CRYBG1: variants seen among roughly 807,000 people sequenced by gnomAD.
The protein encoded by CRYBG1 is beta/gamma crystallin domain-containing protein 1.
CRYBG1 carries 139 observed loss-of-function variants against 189.2 expected under a neutral mutation model. That is an observed-to-expected ratio of 0.73 (90% confidence interval 0.64 to 0.85). The LOEUF (loss-of-function observed/expected upper bound fraction) is 0.85, where lower values mean the gene tolerates loss of function less well. Ranked by LOEUF, CRYBG1 falls within the 40% of genes least tolerant of loss-of-function variation. The pLI is 0.00. For missense variants in CRYBG1, 2,611 were observed against 2,675.8 expected, an observed-to-expected ratio of 0.98 and a Z score of 0.53; for synonymous variants, 1,023 against 1,017.1, an observed-to-expected ratio of 1.01 and a Z score of -0.11.
chr6:106,379,343 T>G (rs970204328), intron 1 of CRYBG1, among the ~76,000 whole-genome samples: 5 of 151,400 alleles, frequency 3.3e-5, no homozygotes, highest in Non-Finnish European at 7.4e-5. Context: ...CTCACAGCAA[T>G]CTCTGCCTCC....
chr6:106,444,170 T>G (rs1319337858), intron 1 of CRYBG1, among the ~76,000 whole-genome samples: 1 of 152,024 alleles, frequency 6.6e-6, no homozygotes, highest in African/African-American at 2.4e-5. Flanking sequence ...ATTGACACTG[T>G]CAAAATAAAA....
At position 106,568,483 on chromosome 6, in the gene CRYBG1, T is replaced by G. The variant is rs1356896007; in HGVS notation, c.6313T>G (p.Tyr2105Asp). Residue 2105 changes from tyrosine to aspartate, a missense_variant, in exon 22 of 22, where the codon TAT (tyrosine) becomes GAT (aspartate). Coordinates refer to ENST00000633556, the MANE Select transcript of CRYBG1 (RefSeq NM_001371242.2). Reference protein sequence around the residue: ...LVLDIKGGTQYDQNHIILNTV... With the variant: ...LVLDIKGGTQDDQNHIILNTV... ...TTCCTTTCTTTTAGGGGGCACACAG[T>G]ATGATCAAAATCACATTATCCTCAA... is the stretch of plus-strand genomic sequence containing the variant. The G allele has an allele frequency of 6.2e-7, 1 of 1,613,364 alleles. No homozygotes were observed. Among genetic ancestry groups the G allele is most frequent in the Non-Finnish European group, 8.5e-7 (1 of 1,179,362 alleles).
chr6:106,360,830 C>T lies in CRYBG1; in HGVS notation c.-79C>T. The stretch of plus-strand genomic sequence containing the variant: ...GCTGAGAAAGGCGGGCGAGCTGGCG[C>T]TCAGGTGTGTTCTTCCATAGGGCCC... On this transcript the variant is annotated 5_prime_UTR_variant, in exon 1 of 22. Transcript: ENST00000633556. The T allele has an allele frequency of 1.4e-6, 2 of 1,414,346 alleles. No homozygotes were observed. Among genetic ancestry groups the T allele is most frequent in the Non-Finnish European group, 1.8e-6 (2 of 1,084,902 alleles). 87.6% of individuals were successfully genotyped at this position (1,414,346 alleles called of 1,614,324 possible).
rs767883089 is a variant in CRYBG1, at chr6:106,519,809, G to A, written c.2601G>A (p.Glu867=). The A allele has an allele frequency of 1.2e-6, 2 of 1,614,080 alleles. No individual in the cohort carries two copies. Among genetic ancestry groups the A allele is most frequent in the African/African-American group, 2.7e-5 (2 of 74,930 alleles). Residue 867 remains glutamate, a synonymous_variant, in exon 4 of 22, where the codon GAG becomes GAA. Coordinates refer to ENST00000633556, the MANE Select transcript of CRYBG1 (RefSeq NM_001371242.2). ...TTTCTGACTCACAGTCCCCTGCTGA[G>A]TCATCTCCTGGGCCTTCTCTTTCAC... ...HTFSDSQSPA[E]SSPGPSLSLS... is the part of the protein sequence containing the mutation.
rs747249109 is a variant in CRYBG1, at chr6:106,558,118, C to G, written c.5716-368C>G. The stretch of plus-strand genomic sequence containing the variant: ...ACATCAGATGCCACAGCCCTCTGAC[C>G]CTTGGCAATTATGTCCATGACTTTC... On this transcript the variant is annotated intron_variant, in intron 17 of 21. Transcript: ENST00000633556. Among the ~76,000 whole-genome samples, 5 of 151,674 alleles carry G rather than the reference C, an allele frequency of 3.3e-5. No individual in the cohort carries two copies. In the South Asian group the frequency reaches 6.3e-4, roughly 19 times the overall value.
At chr6:106,436,858 T>G (rs1271547977) in intron 1 of CRYBG1, among the ~76,000 whole-genome samples, 1 of 152,154 alleles carries the variant, frequency 6.6e-6, no homozygotes, top group African/African-American at 2.4e-5. Context: ...TTTAAGTCTC[T>G]TGATAAGTAT....
intron 1 of CRYBG1, among the ~76,000 whole-genome samples, chr6:106,413,209 T>C (rs1770961733): frequency 6.6e-6 from 1 of 152,144 alleles, no homozygotes; most frequent in African/African-American, 2.4e-5. Flanking sequence ...GCTTGTGAAA[T>C]CAGTATATTT....
intron 2 of CRYBG1, among the ~76,000 whole-genome samples, chr6:106,461,176 AT>A (rs1772002760): frequency 6.6e-6 from 1 of 152,212 alleles, no homozygotes; most frequent in African/African-American, 2.4e-5. Context: ...AACTGAAAGC[AT>A]TTAAGTTAAA....
intron 8 of CRYBG1, among the ~76,000 whole-genome samples, chr6:106,530,517 A>G (rs190767352): frequency 1.8e-3 from 236 of 134,594 alleles, no homozygotes; most frequent in African/African-American, 6.1e-3. Context: ...AACAGTATCG[A>G]TTTATTATAG....
intron 3 of CRYBG1, among the ~76,000 whole-genome samples, chr6:106,518,595 T>C (rs1044290261): frequency 1.3e-5 from 2 of 152,158 alleles, no homozygotes; most frequent in African/African-American, 2.4e-5. Flanking sequence ...CGATCCCTCA[T>C]ATGCAAGCAA....
intron 20 of CRYBG1, among the ~76,000 whole-genome samples, chr6:106,562,778 C>T (rs1208076178): frequency 6.6e-6 from 1 of 151,918 alleles, no homozygotes; most frequent in Non-Finnish European, 1.5e-5. Context: ...TAAGCCACTG[C>T]GCCTGGCCTA....
intron 1 of CRYBG1, among the ~76,000 whole-genome samples, chr6:106,415,368 T>C (rs1041344911): frequency 6.6e-6 from 1 of 152,202 alleles, no homozygotes; most frequent in Non-Finnish European, 1.5e-5. Flanking sequence ...ACCTCTGCCC[T>C]CAAGGTTGGG....
chr6:106,458,104 T>G (rs1191206283), intron 2 of CRYBG1, among the ~76,000 whole-genome samples: 2 of 152,270 alleles, frequency 1.3e-5, no homozygotes, highest in Non-Finnish European at 2.9e-5. Context: ...GTATTGCCTA[T>G]GCAGAAATTT....
At chr6:106,361,263 C>A (rs1359800719) in intron 1 of CRYBG1, among the ~76,000 whole-genome samples, 182 bp downstream of exon 1, 1 of 152,192 alleles carries the variant, frequency 6.6e-6, no homozygotes, top group Non-Finnish European at 1.5e-5. Context: ...TGACGAGGTT[C>A]CTCGCGGCTT....
At position 106,519,991 on chromosome 6, in the gene CRYBG1, T is replaced by C; in HGVS notation, c.2783T>C (p.Leu928Pro). Residue 928 changes from leucine to proline, a missense_variant, in exon 4 of 22, where the codon CTT becomes CCT. Leu to Pro is a moderately conservative substitution (Grantham distance 98, BLOSUM62 -3). Coordinates refer to ENST00000633556, the MANE Select transcript of CRYBG1 (RefSeq NM_001371242.2). ...AATGAGAAAATGCCACTTTTAGAACTTGGAGGAGAAACAACCCCTCCTTTG... is the reference window on the plus strand; with the variant it reads ...AATGAGAAAATGCCACTTTTAGAACCTGGAGGAGAAACAACCCCTCCTTTG... ...QNNEKMPLLE[L>P]GGETTPPLST... 1 of 1,614,180 alleles carries C rather than the reference T, an allele frequency of 6.2e-7. No homozygotes were observed. The highest frequency in any genetic ancestry group is 8.5e-7 in the Non-Finnish European group (1 of 1,180,030).
At chr6:106,531,048 C>T (rs946569034) in intron 8 of CRYBG1, among the ~76,000 whole-genome samples, 1 of 152,138 alleles carries the variant, frequency 6.6e-6, no homozygotes, top group East Asian at 1.9e-4. Context: ...TTCATATATT[C>T]AGAGAATGCT....
At chr6:106,433,736 C>T (rs6568439) in intron 1 of CRYBG1, among the ~76,000 whole-genome samples, 4,551 of 26,870 alleles carry the variant, frequency 0.17, 461 homozygotes, top group African/African-American at 0.33. Flanking sequence ...TATATATATA[C>T]ATATATATGT....
At chr6:106,361,207 A>G in intron 1 of CRYBG1, 126 bp downstream of exon 1, 1 of 1,199,998 alleles carries the variant, frequency 8.3e-7, no homozygotes, top group African/African-American at 1.6e-5. Flanking sequence ...TTCAGTCCGC[A>G]GGAGGGTACC....
chr6:106,423,623 A>G (rs1562302712), intron 1 of CRYBG1, among the ~76,000 whole-genome samples: 1 of 151,556 alleles, frequency 6.6e-6, no homozygotes, highest in Non-Finnish European at 1.5e-5. Context: ...TAAATACTAA[A>G]GGATTTAATT....
Sources: gnomAD v4.1 joint callset for allele counts (sites outside exome capture counted in the v4.1 genomes callset) on GRCh38, gnomAD v4.1.1 for gene constraint, MANE v1.5 for transcripts, NCBI Gene and HGNC (gene_info 2026-07-23, HGNC 2026-07-21) for gene names.